The following LRRC37A2 variants were observed in gnomAD, a reference collection of about 807,000 sequenced individuals.
LRRC37A2 encodes the protein leucine-rich repeat-containing protein 37A2.
LRRC37A2 carries 9 observed loss-of-function variants against 68.8 expected under a neutral mutation model. The ratio of observed to expected loss-of-function variants is 0.13; its 90% CI spans 0.08 to 0.23. The LOEUF is 0.23. LRRC37A2 is among the 10% of genes least tolerant of loss of function. The pLI is 1.00. For synonymous variants in LRRC37A2, 63 were observed against 367.6 expected (o/e 0.17, Z 9.48); for missense variants, 168 against 950.4 (o/e 0.18, Z 10.82).
At chr17:46,635,183 G>A in the LRRC37A2 span, among the ~76,000 whole-genome samples, 1 of 139,766 alleles carries the variant, frequency 7.2e-6, no homozygotes, top group Non-Finnish European at 1.6e-5. Context: ...TGTGGTCCAT[G>A]GATTGGAGTT....
At chr17:47,021,934 T>C in the LRRC37A2 span, 1 of 1,512,146 alleles carries the variant, frequency 6.6e-7, no homozygotes, top group Non-Finnish European at 9.2e-7. Context: ...GAGTATATTC[T>C]CTCCAAATAT....
the LRRC37A2 span, among the ~76,000 whole-genome samples, chr17:46,712,014 A>T: frequency 6.6e-6 from 1 of 152,212 alleles, no homozygotes; most frequent in Non-Finnish European, 1.5e-5. Flanking sequence ...GGCAATGGGA[A>T]GCCATTTGTA....
At chr17:47,043,191 A>C in the LRRC37A2 span, among the ~76,000 whole-genome samples, 3 of 151,818 alleles carry the variant, frequency 2.0e-5, no homozygotes, top group Non-Finnish European at 4.4e-5. Context: ...GTTCACCTTA[A>C]AGAATTAAAA....
chr17:46,997,043 A>C, the LRRC37A2 span, among the ~76,000 whole-genome samples: 2 of 152,202 alleles, frequency 1.3e-5, no homozygotes, highest in East Asian at 3.9e-4. Context: ...AGACAGGATG[A>C]TAGAATTAGA....
the LRRC37A2 span, among the ~76,000 whole-genome samples, chr17:46,714,277 G>A: frequency 0.3 from 45,906 of 152,098 alleles, 7,705 homozygotes; most frequent in East Asian, 0.61. Context: ...ATAGTTGAAA[G>A]TGTTTGAATA....
the LRRC37A2 span, among the ~76,000 whole-genome samples, chr17:46,975,885 G>GAT: frequency 9.8e-6 from 1 of 101,916 alleles, no homozygotes; most frequent in African/African-American, 3.1e-5. Context: ...AAAGAAAGAA[G>GAT]AAAGATAAAG....
chr17:46,784,456 G>T, the LRRC37A2 span, among the ~76,000 whole-genome samples: 1 of 152,106 alleles, frequency 6.6e-6, no homozygotes, highest in East Asian at 1.9e-4. Context: ...TCTTGGCTGT[G>T]GGCACACGGT....
At chr17:46,583,319 A>G in the LRRC37A2 span, among the ~76,000 whole-genome samples, 1 of 77,112 alleles carries the variant, frequency 1.3e-5, no homozygotes, top group Non-Finnish European at 3.5e-5. Flanking sequence ...TTTTTGAGAC[A>G]GAGTCTTGCT....
the LRRC37A2 span, among the ~76,000 whole-genome samples, chr17:46,646,502 CAAAAAAAAAAA>C: frequency 6.0e-3 from 3 of 502 alleles, 1 homozygote; most frequent in Non-Finnish European, 0.031. Context: ...GACTCCATCT[CAAAAAAAAAAA>C]AAAAAAAAAA....
the LRRC37A2 span, among the ~76,000 whole-genome samples, chr17:47,030,132 T>C: frequency 2.0e-5 from 2 of 101,654 alleles, no homozygotes; most frequent in African/African-American, 7.7e-5. Flanking sequence ...ATCATCATCA[T>C]CATCATCTAG....
chr17:46,772,990 A>G, the LRRC37A2 span, among the ~76,000 whole-genome samples: 1 of 152,094 alleles, frequency 6.6e-6, no homozygotes, highest in Non-Finnish European at 1.5e-5. Context: ...CACCCAGTCC[A>G]TGAGCCCCCA....
chr17:46,876,754 G>A, the LRRC37A2 span: 7 of 1,507,118 alleles, frequency 4.6e-6, no homozygotes, highest in Non-Finnish European at 6.2e-6. Context: ...GCACTGCCAG[G>A]ACCTCCTGTG....
At chr17:46,733,736 A>G in the LRRC37A2 span, among the ~76,000 whole-genome samples, 1 of 152,208 alleles carries the variant, frequency 6.6e-6, no homozygotes, top group Admixed American at 6.5e-5. Context: ...TTGAAGCTCA[A>G]CGATTGGAAA....
the LRRC37A2 span, among the ~76,000 whole-genome samples, chr17:46,811,378 G>A: frequency 6.6e-6 from 1 of 152,182 alleles, no homozygotes; most frequent in Non-Finnish European, 1.5e-5. Context: ...GCACCCAGCG[G>A]CATTGGGGTG....
chr17:46,778,891 A>G, the LRRC37A2 span, among the ~76,000 whole-genome samples: 2 of 151,992 alleles, frequency 1.3e-5, no homozygotes, highest in Admixed American at 6.5e-5. Flanking sequence ...GACAGAAGTC[A>G]CCTCTCCTCC....
chr17:46,827,293 G>A, the LRRC37A2 span, among the ~76,000 whole-genome samples: 2 of 152,174 alleles, frequency 1.3e-5, no homozygotes, highest in Admixed American at 6.5e-5. Flanking sequence ...TGGGTGACAT[G>A]TGCCTGAGGG....
At chr17:46,951,254 C>T in the LRRC37A2 span, among the ~76,000 whole-genome samples, 5 of 152,128 alleles carry the variant, frequency 3.3e-5, no homozygotes, top group Admixed American at 6.5e-5. Context: ...CAGAGGTGCC[C>T]GCTGGCCGCC....
chr17:46,998,993 G>A, the LRRC37A2 span, among the ~76,000 whole-genome samples: 1 of 152,292 alleles, frequency 6.6e-6, no homozygotes, highest in Non-Finnish European at 1.5e-5. Context: ...GGTGGAGAGG[G>A]AACCTCCCTC....
chr17:46,535,080 G>A (rs551985301), intron 6 of LRRC37A2, among the ~76,000 whole-genome samples: 1 of 148,264 alleles, frequency 6.7e-6, no homozygotes, highest in African/African-American at 2.6e-5. Flanking sequence ...TTTTTGTAGA[G>A]ACAGGGTTTT....
Sources: gnomAD v4.1 joint callset for allele counts (sites outside exome capture counted in the v4.1 genomes callset) on GRCh38, gnomAD v4.1.1 for gene constraint, MANE v1.5 for transcripts, NCBI Gene and HGNC (gene_info 2026-07-23, HGNC 2026-07-21) for gene names.